PTPRD: variants seen among roughly 807,000 people sequenced by gnomAD.
PTPRD encodes the protein protein tyrosine phosphatase receptor type D.
A neutral mutation model predicts 214.5 loss-of-function variants in PTPRD; 34 were observed. The ratio of observed to expected loss-of-function variants is 0.16; its 90% confidence interval spans 0.12 to 0.21. The LOEUF is 0.21. Among genes scored for constraint, PTPRD ranks in the 10% least tolerant of loss-of-function variants. PTPRD has a pLI of 1.00. For missense variants in PTPRD, 2,545 were observed against 2,398.7 expected (o/e 1.06, Z -1.27); for synonymous variants, 1,128 against 845.7 (o/e 1.33, Z -5.79).
intron 12 of PTPRD, among the ~76,000 whole-genome samples, chr9:8,672,845 G>C (rs1471266124): frequency 3.4e-5 from 5 of 148,206 alleles, no homozygotes; most frequent in Non-Finnish European, 6.0e-5. Flanking sequence ...TGTACTCTGT[G>C]TGGGGGGGGT....
At position 8,440,853 on chromosome 9, in the gene PTPRD, C is replaced by T. The variant is rs968919905; in HGVS notation, c.3989-4164G>A. 4.6e-5 allele frequency among the ~76,000 whole-genome samples: 7 copies of T among 152,088 alleles called. 1 individual carries two copies. Among genetic ancestry groups the T allele is most frequent in the Non-Finnish European group, 2.9e-5 (2 of 68,014 alleles). On this transcript the variant is annotated intron_variant, in intron 34 of 45. Coordinates refer to ENST00000381196, the MANE Select transcript of PTPRD (RefSeq NM_002839.4). ...TCATGGCATTTTAACCTGAGAGGCA[C>T]CTTAGAGATGACTTAGTCCAGCACT...
chr9:10,485,541 A>C (rs2099127171), intron 2 of PTPRD, among the ~76,000 whole-genome samples: 1 of 151,994 alleles, frequency 6.6e-6, no homozygotes, highest in African/African-American at 2.4e-5. Context: ...TTCTTTCATC[A>C]ATATTGTACA....
intron 14 of PTPRD, among the ~76,000 whole-genome samples, chr9:8,606,209 G>T (rs62530702): frequency 6.6e-6 from 1 of 151,986 alleles, no homozygotes; most frequent in Non-Finnish European, 1.5e-5. Flanking sequence ...AGGGAAAAGT[G>T]TCCAAATAAC....
At chr9:9,842,811 C>T (rs552999784) in intron 5 of PTPRD, among the ~76,000 whole-genome samples, 7 of 151,742 alleles carry the variant, frequency 4.6e-5, no homozygotes, top group Admixed American at 3.3e-4. Context: ...TGTCTTTTTA[C>T]GTATTTTATT....
At chr9:9,039,981 A>ATTT (rs3046926) in intron 10 of PTPRD, among the ~76,000 whole-genome samples, 7 of 149,386 alleles carry the variant, frequency 4.7e-5, no homozygotes, top group East Asian at 2.0e-4. Context: ...CTTCCTGTGC[A>ATTT]TTTTTTTTTT....
At chr9:10,186,537 A>G (rs1218232027) in intron 3 of PTPRD, among the ~76,000 whole-genome samples, 1 of 152,114 alleles carries the variant, frequency 6.6e-6, no homozygotes, top group Non-Finnish European at 1.5e-5. Flanking sequence ...ATCCTCCCCT[A>G]AACAGAATTA....
At position 10,271,890 on chromosome 9, in the gene PTPRD, A is replaced by T. The variant is rs530054714; in HGVS notation, c.-545+69073T>A. 1.7e-4 allele frequency among the ~76,000 whole-genome samples: 26 copies of T among 151,604 alleles called. No homozygotes were observed. The South Asian group carries it at 5.4e-3, about 32-fold the overall frequency. ...GGAATTCTTCTTTGATTTTTTTTTAAATTTTATTTGTCTGTATGTGAATTC... is the reference window on the plus strand; with the variant it reads ...GGAATTCTTCTTTGATTTTTTTTTATATTTTATTTGTCTGTATGTGAATTC... On this transcript the variant is annotated intron_variant, in intron 3 of 45. Transcript: ENST00000381196.
chr9:10,410,412 T>A (rs2098422475), intron 2 of PTPRD, among the ~76,000 whole-genome samples: 1 of 151,080 alleles, frequency 6.6e-6, no homozygotes, highest in Admixed American at 6.6e-5. Context: ...TTTCATAATA[T>A]GACTCTCAGC....
rs1467613760 is a variant in PTPRD at position 9,330,047 on chromosome 9, G to A, written c.-203+67402C>T. ...GGCTTGACTAAAAATTTAGGATGGC[G>A]GATTGGGTTTACGTAGAGAAACATA... On this transcript the variant is annotated intron_variant, in intron 9 of 45. Coordinates refer to ENST00000381196, the MANE Select transcript of PTPRD (RefSeq NM_002839.4). Among the ~76,000 whole-genome samples, 4 of 152,178 alleles carry A rather than the reference G, an allele frequency of 2.6e-5. No individual in the cohort carries two copies. The East Asian group carries it at 7.8e-4, about 30-fold the overall frequency.
At chr9:8,408,976 T>C (rs1195514375) in intron 35 of PTPRD, among the ~76,000 whole-genome samples, 1 of 152,230 alleles carries the variant, frequency 6.6e-6, no homozygotes, top group Non-Finnish European at 1.5e-5. Flanking sequence ...GTCTGAAAGT[T>C]CTAATCCTTT....
intron 8 of PTPRD, among the ~76,000 whole-genome samples, chr9:9,427,718 C>T (rs1451017588): frequency 6.6e-6 from 1 of 152,158 alleles, no homozygotes; most frequent in Non-Finnish European, 1.5e-5. Flanking sequence ...GATCTCTCGG[C>T]AGAAACTCTA....
At chr9:10,463,094 T>C (rs1225996757) in intron 2 of PTPRD, among the ~76,000 whole-genome samples, 2 of 151,714 alleles carry the variant, frequency 1.3e-5, no homozygotes, top group Non-Finnish European at 2.9e-5. Context: ...TGATGATGTA[T>C]GTAATGCCTA....
intron 6 of PTPRD, among the ~76,000 whole-genome samples, chr9:9,760,635 CACACACACACACACACACATATAT>C (rs2098645275): frequency 7.2e-6 from 1 of 138,728 alleles, no homozygotes; most frequent in African/African-American, 2.8e-5. Context: ...CACACACACA[CACACACACACACACACACATATAT>C]ATATATATTC....
At chr9:10,079,721 C>A (rs149666725) in intron 3 of PTPRD, among the ~76,000 whole-genome samples, 21 of 152,220 alleles carry the variant, frequency 1.4e-4, no homozygotes, top group African/African-American at 4.8e-4. Context: ...AGTCATTCTG[C>A]GAGTTGGCTT....
At chr9:8,529,354 T>C (rs1243937558) in intron 14 of PTPRD, among the ~76,000 whole-genome samples, 1 of 152,070 alleles carries the variant, frequency 6.6e-6, no homozygotes, top group South Asian at 2.1e-4. Flanking sequence ...AAGTATAAGG[T>C]TCAACCCAAA....
intron 11 of PTPRD, among the ~76,000 whole-genome samples, chr9:8,963,555 T>A (rs1174675321): frequency 6.6e-6 from 1 of 152,174 alleles, no homozygotes; most frequent in African/African-American, 2.4e-5. Context: ...ATGTGGTGAA[T>A]CACATTTATT....
chr9:9,721,472 G>A, intron 7 of PTPRD, among the ~76,000 whole-genome samples: 1 of 151,956 alleles, frequency 6.6e-6, no homozygotes, highest in East Asian at 1.9e-4. Context: ...TTCTATAGGG[G>A]GCACAGGTTC....
chr9:8,809,968 C>T (rs999625788), intron 11 of PTPRD, among the ~76,000 whole-genome samples: 22 of 152,162 alleles, frequency 1.4e-4, no homozygotes, highest in African/African-American at 5.3e-4. Context: ...CTATCACCTG[C>T]TATCAGAGAA....
chr9:9,051,121 C>T (rs1199687269), intron 10 of PTPRD, among the ~76,000 whole-genome samples: 1 of 152,022 alleles, frequency 6.6e-6, no homozygotes, highest in African/African-American at 2.4e-5. Flanking sequence ...CAGTCATTCT[C>T]TGTACATATT....
Sources: allele counts gnomAD v4.1 joint callset (sites outside exome capture counted in the v4.1 genomes callset), GRCh38; gene constraint gnomAD v4.1.1; transcripts MANE v1.5; gene names NCBI Gene and HGNC (gene_info 2026-07-23, HGNC 2026-07-21).